Variants in DOCK10 observed in about 807,000 individuals in gnomAD.
DOCK10 encodes dedicator of cytokinesis 10.
A neutral mutation model predicts 280.1 loss-of-function variants in DOCK10; 145 were observed. That is an observed-to-expected ratio of 0.52 (90% CI 0.45 to 0.59). The LOEUF (loss-of-function observed/expected upper bound fraction) is 0.59. DOCK10 is among the 20% of genes least tolerant of loss of function. DOCK10 has a pLI of 0.00. For synonymous variants in DOCK10, 915 were observed against 942.2 expected (o/e 0.97, Z 0.53); for missense variants, 2,368 against 2,651.7 (o/e 0.89, Z 2.35).
chr2:224,997,620 C>T (rs1441558715), intron 1 of DOCK10, among the ~76,000 whole-genome samples: 1 of 152,124 alleles, frequency 6.6e-6, no homozygotes, highest in African/African-American at 2.4e-5. Flanking sequence ...CCGTGTGCAA[C>T]CTGCAACAAG....
chr2:225,023,467 C>T (rs962188037), intron 1 of DOCK10, among the ~76,000 whole-genome samples: 1 of 152,172 alleles, frequency 6.6e-6, no homozygotes, highest in African/African-American at 2.4e-5. Context: ...CGATGCTCTA[C>T]TTTCTTTGCT....
At chr2:224,767,681 C>T (rs1208285604) in intron 55 of DOCK10, among the ~76,000 whole-genome samples, 1 of 152,092 alleles carries the variant, frequency 6.6e-6, no homozygotes, top group African/African-American at 2.4e-5. Context: ...CTGCCCTTAA[C>T]ATAAAAAGAG....
At chr2:224,979,823 G>T (rs773398069) in intron 1 of DOCK10, among the ~76,000 whole-genome samples, 10 of 152,200 alleles carry the variant, frequency 6.6e-5, no homozygotes, top group Admixed American at 2.0e-4. Flanking sequence ...GCTCTAATTT[G>T]ATAAAATTTC....
chr2:224,837,657 G>A (rs1695675248), intron 25 of DOCK10, 105 bp downstream of exon 25: 9 of 859,274 alleles, frequency 1.0e-5, no homozygotes, highest in Middle Eastern at 2.2e-4. Flanking sequence ...TGTGGTGGGC[G>A]CCACTCAGTT....
chr2:224,864,371 G>A lies in DOCK10; in HGVS notation c.1602+182C>T, dbSNP rs141951942. 3.8e-3 allele frequency among the ~76,000 whole-genome samples: 579 copies of A among 152,172 alleles called. 1 individual carries two copies. The highest frequency in any genetic ancestry group is 0.012 in the African/African-American group (479 of 41,520). ...ATAAAATACAAAAAATTAGCTGGGC[G>A]TGGTGGCATGCACCTCTAATCCCAG... On this transcript the variant is annotated intron_variant, in intron 13 of 55. Coordinates refer to ENST00000258390, the MANE Select transcript of DOCK10 (RefSeq NM_014689.3).
chr2:224,918,635 TGTG>T (rs564440502), intron 2 of DOCK10, among the ~76,000 whole-genome samples: 41 of 147,238 alleles, frequency 2.8e-4, no homozygotes, highest in East Asian at 6.2e-4. Flanking sequence ...TGTATGTACT[TGTG>T]GTGTGTGTGT....
intron 3 of DOCK10, among the ~76,000 whole-genome samples, chr2:224,908,255 A>G (rs1049531329): frequency 7.5e-5 from 11 of 146,044 alleles, no homozygotes; most frequent in African/African-American, 2.8e-4. Flanking sequence ...GCCTTAAATC[A>G]TATTTGTATT....
intron 1 of DOCK10, among the ~76,000 whole-genome samples, chr2:225,033,004 C>G (rs983260633): frequency 1.3e-5 from 2 of 151,982 alleles, no homozygotes; most frequent in African/African-American, 2.4e-5. Context: ...CAAATAGACC[C>G]CTTTTCAGAT....
intron 1 of DOCK10, among the ~76,000 whole-genome samples, chr2:225,001,289 CT>C (rs141808105): frequency 1.3e-3 from 173 of 128,226 alleles, no homozygotes; most frequent in Admixed American, 2.7e-3. Flanking sequence ...TACAACAGAC[CT>C]TTTTTTTTTT....
At chr2:224,916,561 AAGACAT>A in intron 3 of DOCK10, 128 bp downstream of exon 3, 1 of 492,802 alleles carries the variant, frequency 2.0e-6, no homozygotes, top group Non-Finnish European at 3.5e-6. Flanking sequence ...AAAAAAAAAA[AAGACAT>A]CCACTAGTTA....
At chr2:224,779,218 GTTTC>G (rs960719464) in intron 50 of DOCK10, among the ~76,000 whole-genome samples, 2 of 136,836 alleles carry the variant, frequency 1.5e-5, no homozygotes, top group Non-Finnish European at 3.1e-5. Flanking sequence ...AGGATATCTG[GTTTC>G]TTTTTTTTTT....
chr2:224,824,567 G>C (rs1051813063), intron 27 of DOCK10, among the ~76,000 whole-genome samples: 2 of 150,138 alleles, frequency 1.3e-5, no homozygotes, highest in Non-Finnish European at 1.5e-5. Flanking sequence ...CTCCCAAGTG[G>C]CTAGGACTAC....
At position 224,862,822 on chromosome 2, in the gene DOCK10, T is replaced by A. The variant is rs952857590; in HGVS notation, c.1603-76A>T. On this transcript the variant is annotated intron_variant, in intron 13 of 55. Coordinates refer to ENST00000258390, the MANE Select transcript of DOCK10 (RefSeq NM_014689.3). ...GTACATATAAAATAATACTAAATAC[T>A]TTTTCATATTATTTTATACTGAAAC... 4 of 899,330 alleles carry A rather than the reference T, an allele frequency of 4.4e-6. No homozygotes were observed. In the East Asian group the frequency reaches 1.1e-4, roughly 25 times the overall value. The allele number at this position is 899,330 out of a possible 1,614,324, so 55.7% of individuals were successfully genotyped here. A position where few individuals can be genotyped will look rare whatever the true frequency, so the allele number is the denominator to read the frequency against.
At chr2:224,798,976 T>G (rs1359689430) in intron 41 of DOCK10, among the ~76,000 whole-genome samples, 1 of 152,138 alleles carries the variant, frequency 6.6e-6, no homozygotes, top group Non-Finnish European at 1.5e-5. Context: ...TTAAGCTCAT[T>G]TGGTAGAGCT....
chr2:224,886,436 C>A (rs765513193), intron 5 of DOCK10, 23 bp downstream of exon 5: 2 of 1,593,872 alleles, frequency 1.3e-6, no homozygotes, highest in Non-Finnish European at 1.7e-6. Flanking sequence ...TTTTAAACAT[C>A]TCACTTTCAA....
At chr2:225,039,991 G>C (rs75827461) in intron 1 of DOCK10, among the ~76,000 whole-genome samples, 7,421 of 152,234 alleles carry the variant, frequency 0.049, 398 homozygotes, top group East Asian at 0.19. Context: ...CTGTACTGAA[G>C]TCGGATATCC....
rs1002420176 is a variant in DOCK10 at position 224,864,727 on chromosome 2, A to G, written c.1480-52T>C. 9.2e-5 allele frequency: 146 copies of G among 1,579,184 alleles called. No individual in the cohort carries two copies. In the East Asian group the frequency reaches 1.6e-3, roughly 17 times the overall value. The stretch of plus-strand genomic sequence containing the variant: ...GCATGGAAGAAACCACATTGTAGAC[A>G]TTTACAAAATTCCATTTTTTTAAAA... On this transcript the variant is annotated intron_variant, in intron 12 of 55. Transcript: ENST00000258390.
chr2:224,804,262 C>T (rs764407349), intron 38 of DOCK10, 49 bp from the exon 39 acceptor site: 5 of 1,140,642 alleles, frequency 4.4e-6, no homozygotes, highest in Non-Finnish European at 6.5e-6. Flanking sequence ...TTGTAATTTA[C>T]ATATAAAAAT....
At chr2:225,023,058 G>A (rs1157752643) in intron 1 of DOCK10, among the ~76,000 whole-genome samples, 4 of 150,900 alleles carry the variant, frequency 2.7e-5, no homozygotes, top group African/African-American at 7.3e-5. Context: ...TTTTTGAGAC[G>A]GAGTTTCGCT....
Sources: gnomAD v4.1 joint callset for allele counts (sites outside exome capture counted in the v4.1 genomes callset) on GRCh38, gnomAD v4.1.1 for gene constraint, MANE v1.5 for transcripts, NCBI Gene and HGNC (gene_info 2026-07-23, HGNC 2026-07-21) for gene names.